The following CDKL5 variants were observed in gnomAD, a reference collection of about 807,000 sequenced individuals.
CDKL5 encodes cyclin dependent kinase like 5, also known as cyclin-dependent kinase-like 5.
In CDKL5, 8 loss-of-function variants were observed where a neutral mutation model predicts 61.7. The observed-to-expected ratio is 0.13, with a 90% CI of 0.08 to 0.23. The LOEUF (loss-of-function observed/expected upper bound fraction) is 0.23. CDKL5 is among the 10% of genes least tolerant of loss of function. The pLI is 1.00. For missense variants in CDKL5, 440 were observed against 734.5 expected, an observed-to-expected ratio of 0.60 and a Z score of 4.63; for synonymous variants, 275 against 272.3, an observed-to-expected ratio of 1.01 and a Z score of -0.10.
intron 21 of CDKL5, chrX:18,650,721 G>T: frequency 5.1e-6 from 4 of 780,562 alleles, no homozygotes; most frequent in Non-Finnish European, 5.7e-6. Flanking sequence ...TGGGCATGGG[G>T]ACAAAGCTGC....
chrX:18,619,157 CTTTTTTTTT>C (rs773761463), intron 15 of CDKL5, among the ~76,000 whole-genome samples: 4 of 80,841 alleles, frequency 4.9e-5, no homozygotes, highest in Non-Finnish European at 9.7e-5. Flanking sequence ...CCCGTGAAAG[CTTTTTTTTT>C]TTTTTTTTTA....
chrX:18,566,587 T>A (rs1259284998), intron 4 of CDKL5, among the ~76,000 whole-genome samples: 1 of 112,274 alleles, frequency 8.9e-6, no homozygotes, highest in Non-Finnish European at 1.9e-5. Context: ...GTGTATCCGT[T>A]GAAATTCATT....
intron 13 of CDKL5, 132 bp from the exon 14 acceptor site, chrX:18,609,333 A>T: frequency 9.2e-7 from 1 of 1,089,353 alleles, no homozygotes; most frequent in Non-Finnish European, 1.2e-6. Context: ...AGTCAAGGCT[A>T]CAGTAAGCCA....
chrX:18,491,702 T>C (rs1210292792), intron 1 of CDKL5, among the ~76,000 whole-genome samples: 1 of 111,639 alleles, frequency 9.0e-6, no homozygotes, highest in Non-Finnish European at 1.9e-5. Flanking sequence ...AATCTTATAT[T>C]GAACCACAGG....
chrX:18,516,746 GT>G (rs1032075463), intron 3 of CDKL5, among the ~76,000 whole-genome samples: 62 of 110,692 alleles, frequency 5.6e-4, no homozygotes, highest in Non-Finnish European at 1.0e-3. Context: ...CTGACTTTTT[GT>G]TTTTTTGAGA....
In CDKL5 at chrX:18,639,054, G is replaced by A. The variant is rs771841715; in HGVS notation, c.*10297G>A. On this transcript the variant is annotated 3_prime_UTR_variant, in exon 18 of 18. Transcript: ENST00000623535. Reference sequence around the variant, plus strand: ...AAAAATTAACTCAAAATGGAACAAAGATCTAACTGTAAGAGGTAGAACTAT... The same window carrying A: ...AAAAATTAACTCAAAATGGAACAAAAATCTAACTGTAAGAGGTAGAACTAT... Among the ~76,000 whole-genome samples, 4 of 111,765 alleles carry A rather than the reference G, an allele frequency of 3.6e-5. No homozygotes were observed. The highest frequency in any genetic ancestry group is 5.6e-5 in the Non-Finnish European group (3 of 53,205).
chrX:18,612,986 T>C (rs866327678), intron 14 of CDKL5, among the ~76,000 whole-genome samples, 166 bp from the exon 15 acceptor site: 4 of 108,265 alleles, frequency 3.7e-5, no homozygotes, highest in South Asian at 8.3e-4. Flanking sequence ...TCTCATCACT[T>C]TGGGAGGCTC....
intron 1 of CDKL5, among the ~76,000 whole-genome samples, chrX:18,504,932 CAAA>C (rs1287470678): frequency 9.7e-5 from 4 of 41,227 alleles, no homozygotes; most frequent in Non-Finnish European, 9.5e-5. Flanking sequence ...AACTCCGTCT[CAAA>C]AAAAAAAAAA....
chrX:18,433,621 A>G (rs1292328173), intron 1 of CDKL5, among the ~76,000 whole-genome samples: 1 of 112,932 alleles, frequency 8.9e-6, no homozygotes, highest in African/African-American at 3.2e-5. Flanking sequence ...GTTCTTGCCT[A>G]TGCATAATAC....
At chrX:18,530,538 T>C (rs1368485343) in intron 3 of CDKL5, among the ~76,000 whole-genome samples, 1 of 111,178 alleles carries the variant, frequency 9.0e-6, no homozygotes, top group East Asian at 2.8e-4. Flanking sequence ...CTTAGAGTTA[T>C]GTATGCTTAC....
chrX:18,536,658 C>T (rs1453015619), intron 3 of CDKL5, among the ~76,000 whole-genome samples: 3 of 108,641 alleles, frequency 2.8e-5, no homozygotes, highest in African/African-American at 1.0e-4. Context: ...GCTGGCCAGG[C>T]TGGTCTCGAA....
chrX:18,437,633 A>C (rs1931638316), intron 1 of CDKL5, among the ~76,000 whole-genome samples: 1 of 112,353 alleles, frequency 8.9e-6, no homozygotes, highest in South Asian at 3.7e-4. Context: ...GTATAGGAGC[A>C]CTACTCTTCA....
chrX:18,642,286 G>GC (rs1291238048), downstream of CDKL5: 1 of 697,518 alleles, frequency 1.4e-6, no homozygotes, highest in Non-Finnish European at 2.2e-6. Flanking sequence ...GTTTGCGGGT[G>GC]CCCCCCAAAA....
chrX:18,446,669 G>A (rs187872339), intron 1 of CDKL5, among the ~76,000 whole-genome samples: 1 of 111,833 alleles, frequency 8.9e-6, no homozygotes, highest in East Asian at 2.8e-4. Context: ...GAAGAAGGGA[G>A]TATGCTGTTT....
At chrX:18,467,721 C>T (rs1392497849) in intron 1 of CDKL5, among the ~76,000 whole-genome samples, 1 of 111,758 alleles carries the variant, frequency 8.9e-6, no homozygotes, top group Non-Finnish European at 1.9e-5. Context: ...CTTAAAACAG[C>T]CCACCATTGC....
Position 18,564,490 on chromosome X carries a change from T to C in CDKL5, c.113T>C (p.Ile38Thr). The change falls in exon 4 of 18, where the codon ATT becomes ACT. Residue 38 changes from isoleucine to threonine, a missense_variant. Ile to Thr is a moderately conservative substitution (Grantham distance 89). Around this residue, in one of 2 missense-constraint regions of CDKL5, gnomAD observed 77 missense variants for 218.2 expected, o/e 0.35. Coordinates refer to ENST00000623535, the MANE Select transcript of CDKL5 (RefSeq NM_001323289.2). ...LKCRHKETHE[I>T]VAIKKFKDSE... ...TTTCCCTTGCAGGAAACACATGAAATTGTGGCGATCAAGAAATTCAAGGAC... is the reference window on the plus strand; with the variant it reads ...TTTCCCTTGCAGGAAACACATGAAACTGTGGCGATCAAGAAATTCAAGGAC... 1 of 1,145,445 alleles carries C rather than the reference T, an allele frequency of 8.7e-7. No homozygotes were observed. The allele number at this position is 1,145,445 out of a possible 1,213,427, so 94.4% of individuals were successfully genotyped here.
chrX:18,559,965 A>G (rs1198421954), intron 3 of CDKL5, among the ~76,000 whole-genome samples: 5 of 109,307 alleles, frequency 4.6e-5, no homozygotes, highest in Non-Finnish European at 9.5e-5. Flanking sequence ...ACATGAACTC[A>G]TCCTTTTTTA....
intron 1 of CDKL5, among the ~76,000 whole-genome samples, chrX:18,457,270 G>A (rs959195178): frequency 2.7e-5 from 3 of 110,807 alleles, no homozygotes; most frequent in African/African-American, 6.6e-5. Flanking sequence ...TTCCACTGTC[G>A]TCATTGCATG....
chrX:18,445,357 C>T (rs1381341044), intron 1 of CDKL5, among the ~76,000 whole-genome samples: 3 of 111,878 alleles, frequency 2.7e-5, no homozygotes, highest in Non-Finnish European at 3.8e-5. Flanking sequence ...GGATTACAGG[C>T]ATGAGCCACC....
Sources: allele counts gnomAD v4.1 joint callset (sites outside exome capture counted in the v4.1 genomes callset), GRCh38; gene constraint gnomAD v4.1.1; regional missense constraint gnomAD v4.1.1; transcripts MANE v1.5; gene names NCBI Gene and HGNC (gene_info 2026-07-23, HGNC 2026-07-21).